ACVR1: variants seen among roughly 807,000 people sequenced by gnomAD.
ACVR1 encodes the protein activin receptor type-1.
A neutral mutation model predicts 57.1 loss-of-function variants in ACVR1; 38 were observed. The ratio of observed to expected loss-of-function variants is 0.67; its 90% CI spans 0.51 to 0.87. The LOEUF (loss-of-function observed/expected upper bound fraction) is 0.87, where lower values mean the gene tolerates loss of function less well. Among genes scored for constraint, ACVR1 ranks in the 40% least tolerant of loss-of-function variants. ACVR1 has a pLI of 0.00. For missense variants in ACVR1, 463 were observed against 638.2 expected, an observed-to-expected ratio of 0.73 and a Z score of 2.96; for synonymous variants, 212 against 228.1, an observed-to-expected ratio of 0.93 and a Z score of 0.63.
At chr2:157,796,320 G>A (rs558285947) in intron 3 of ACVR1, among the ~76,000 whole-genome samples, 1 of 152,244 alleles carries the variant, frequency 6.6e-6, no homozygotes, top group South Asian at 2.1e-4. Flanking sequence ...GGGAGGCCGA[G>A]GTGGGTGGAT....
chr2:157,863,166 C>T (rs1301062134), intron 1 of ACVR1, among the ~76,000 whole-genome samples: 1 of 149,616 alleles, frequency 6.7e-6, no homozygotes, highest in African/African-American at 2.4e-5. Context: ...GTGTGCACCA[C>T]CATACTTGGC....
chr2:157,861,655 A>T (rs1689723326), intron 1 of ACVR1, among the ~76,000 whole-genome samples: 1 of 152,244 alleles, frequency 6.6e-6, no homozygotes. Context: ...CATCCACTTT[A>T]TGGAGAATCC....
At chr2:157,747,007 C>T (rs987632685) in intron 9 of ACVR1, among the ~76,000 whole-genome samples, 1 of 152,040 alleles carries the variant, frequency 6.6e-6, no homozygotes, top group Non-Finnish European at 1.5e-5. Flanking sequence ...TATTTTTATG[C>T]TCATGGTTCA....
chr2:157,809,814 C>A (rs538644865), intron 2 of ACVR1, among the ~76,000 whole-genome samples: 26 of 152,286 alleles, frequency 1.7e-4, no homozygotes, highest in Middle Eastern at 6.8e-3. Context: ...GTGGTTCATG[C>A]TTGTAATCCC....
At chr2:157,863,336 C>CTTTTTGTTTTTTTTTT (rs1689796049) in intron 1 of ACVR1, among the ~76,000 whole-genome samples, 1 of 35,674 alleles carries the variant, frequency 2.8e-5, no homozygotes, top group Non-Finnish European at 4.8e-5. Flanking sequence ...AATTGTTTCT[C>CTTTTTGTTTTTTTTTT]TTTTTTTTTT....
chr2:157,776,018 T>C (rs1686271052), intron 5 of ACVR1, among the ~76,000 whole-genome samples: 1 of 152,220 alleles, frequency 6.6e-6, no homozygotes, highest in African/African-American at 2.4e-5. Flanking sequence ...CCACCATGCA[T>C]GGCCAAGGCT....
intron 3 of ACVR1, 33 bp from the exon 4 acceptor site, chr2:157,780,633 AAAAAAG>A (rs1406421589): frequency 6.2e-7 from 1 of 1,611,576 alleles, no homozygotes; most frequent in Non-Finnish European, 8.5e-7. Flanking sequence ...GGAAAAAAAA[AAAAAAG>A]AGGAATTACC....
chr2:157,838,702 G>A lies in ACVR1; in HGVS notation c.-182-20143C>T, dbSNP rs545596019. 3.3e-5 allele frequency among the ~76,000 whole-genome samples: 5 copies of A among 152,216 alleles called. No homozygotes were observed. The East Asian group carries it at 7.7e-4, about 24-fold the overall frequency. ...CAGAGCCAGCCACACTGCAGATTCC[G>A]AGGAGGGTCAAGCCACACAGCTCCT... On this transcript the variant is annotated intron_variant, in intron 1 of 10. Transcript: ENST00000434821.
intron 1 of ACVR1, among the ~76,000 whole-genome samples, chr2:157,826,962 A>G (rs985402132): frequency 1.3e-5 from 2 of 151,714 alleles, no homozygotes; most frequent in African/African-American, 4.8e-5. Context: ...AAAGAGAAAG[A>G]AAGAAAAAAA....
intron 1 of ACVR1, among the ~76,000 whole-genome samples, chr2:157,847,339 G>A (rs6707354): frequency 1.7e-4 from 26 of 152,224 alleles, no homozygotes; most frequent in African/African-American, 5.5e-4. Flanking sequence ...ACTAGGACAT[G>A]CCTATCAGAG....
At chr2:157,758,250 T>C (rs1234995573) in intron 9 of ACVR1, among the ~76,000 whole-genome samples, 1 of 151,984 alleles carries the variant, frequency 6.6e-6, no homozygotes. Context: ...GTCAGTATAC[T>C]GTGCTCCCTC....
chr2:157,737,184 T>C lies in ACVR1; in HGVS notation c.*347A>G, dbSNP rs1274399875. The C allele has an allele frequency of 3.4e-5, 14 of 416,040 alleles. No individual in the cohort carries two copies. In the South Asian group the frequency reaches 3.4e-4, roughly 10 times the overall value. The allele number at this position is 416,040 out of a possible 1,614,324, so 25.8% of individuals were successfully genotyped here. ...CTCCTTGAGTTTCCCGTGGGGAGTGTCTAGGAGACTTGTGAAAGCTATGCA... is the reference window on the plus strand; with the variant it reads ...CTCCTTGAGTTTCCCGTGGGGAGTGCCTAGGAGACTTGTGAAAGCTATGCA... On this transcript the variant is annotated 3_prime_UTR_variant, in exon 11 of 11. Transcript: ENST00000434821.
chr2:157,767,401 G>T (rs1375226095), intron 7 of ACVR1, among the ~76,000 whole-genome samples: 2 of 151,942 alleles, frequency 1.3e-5, no homozygotes, highest in Non-Finnish European at 2.9e-5. Flanking sequence ...GGAAGTTAGG[G>T]GCACTTCCTA....
At chr2:157,788,928 A>G (rs1574066878) in intron 3 of ACVR1, among the ~76,000 whole-genome samples, 1 of 152,336 alleles carries the variant, frequency 6.6e-6, no homozygotes, top group East Asian at 1.9e-4. Context: ...GTTAATGAAG[A>G]AAGGAATCCC....
intron 1 of ACVR1, among the ~76,000 whole-genome samples, chr2:157,861,724 T>C (rs541737515): frequency 2.0e-5 from 3 of 152,342 alleles, no homozygotes; most frequent in Admixed American, 6.5e-5. Flanking sequence ...GCAGGTTTAA[T>C]GTAGTCACAG....
intron 1 of ACVR1, among the ~76,000 whole-genome samples, chr2:157,836,936 T>C (rs115283169): frequency 0.013 from 2,030 of 152,330 alleles, 45 homozygotes; most frequent in African/African-American, 0.045. Flanking sequence ...ACCAGATGAA[T>C]TGGTTCATAT....
chr2:157,843,207 A>G (rs1689030632), intron 1 of ACVR1, among the ~76,000 whole-genome samples: 1 of 152,210 alleles, frequency 6.6e-6, no homozygotes, highest in South Asian at 2.1e-4. Context: ...TAACCAAATA[A>G]ATACCATAGA....
At chr2:157,821,589 G>A (rs1308104171) in intron 1 of ACVR1, among the ~76,000 whole-genome samples, 1 of 151,910 alleles carries the variant, frequency 6.6e-6, no homozygotes, top group African/African-American at 2.4e-5. Flanking sequence ...TATCTATATA[G>A]TAAACTCTAG....
At chr2:157,852,498 CA>C (rs548451104) in intron 1 of ACVR1, among the ~76,000 whole-genome samples, 87 of 70,834 alleles carry the variant, frequency 1.2e-3, no homozygotes, top group East Asian at 7.4e-3. Context: ...GAGCCTGTCT[CA>C]AAAAAAAAAA....
Sources: gnomAD v4.1 joint callset for allele counts (sites outside exome capture counted in the v4.1 genomes callset) on GRCh38, gnomAD v4.1.1 for gene constraint, MANE v1.5 for transcripts, NCBI Gene and HGNC (gene_info 2026-07-23, HGNC 2026-07-21) for gene names.